FAM117B: variants seen among roughly 807,000 people sequenced by gnomAD.
FAM117B encodes protein FAM117B.
Under a neutral mutation model 52.8 loss-of-function variants are expected in FAM117B, and 22 were observed. The ratio of observed to expected loss-of-function variants is 0.42; its 90% CI spans 0.30 to 0.59. FAM117B has a LOEUF of 0.59. Among genes scored for constraint, FAM117B ranks in the 20% least tolerant of loss-of-function variants. The pLI, the probability that FAM117B is intolerant of heterozygous loss-of-function variation, is 0.22. For missense variants in FAM117B, 678 were observed against 802.6 expected (o/e 0.84, Z 1.88); for synonymous variants, 309 against 324.1 (o/e 0.95, Z 0.50).
chr2:202,641,201 G>A (rs1028719468), intron 1 of FAM117B, among the ~76,000 whole-genome samples: 1 of 152,184 alleles, frequency 6.6e-6, no homozygotes, highest in East Asian at 1.9e-4. Flanking sequence ...GGGTATAGAG[G>A]TTCCCTCAGA....
chr2:202,656,642 T>C (rs1218869414), intron 1 of FAM117B, among the ~76,000 whole-genome samples: 1 of 152,210 alleles, frequency 6.6e-6, no homozygotes, highest in African/African-American at 2.4e-5. Context: ...TGATAAATGT[T>C]TCACATGCCC....
intron 1 of FAM117B, among the ~76,000 whole-genome samples, chr2:202,673,146 A>G (rs942279688): frequency 5.3e-5 from 8 of 152,098 alleles, no homozygotes; most frequent in Non-Finnish European, 1.5e-5. Context: ...CTCTTTGAAA[A>G]CTGGTGTTAA....
intron 2 of FAM117B, among the ~76,000 whole-genome samples, chr2:202,710,127 C>T (rs777880813): frequency 3.9e-5 from 6 of 152,092 alleles, no homozygotes; most frequent in African/African-American, 1.2e-4. Context: ...TAGTTTCACA[C>T]GAGTTTTAGA....
At chr2:202,664,674 G>A (rs1276296787) in intron 1 of FAM117B, among the ~76,000 whole-genome samples, 10 of 152,140 alleles carry the variant, frequency 6.6e-5, no homozygotes, top group South Asian at 2.1e-4. Flanking sequence ...TTGATAGTTC[G>A]TTATCATGCA....
chr2:202,724,378 C>T (rs1220180195), intron 2 of FAM117B, among the ~76,000 whole-genome samples: 2 of 152,154 alleles, frequency 1.3e-5, no homozygotes, highest in African/African-American at 2.4e-5. Flanking sequence ...TCTGAAGATA[C>T]TTATGGCAAG....
chr2:202,756,369 G>GA lies in FAM117B; in HGVS notation c.1104+701dup, dbSNP rs756113152. ...GTGAAGGTTGCAGTGAGCTGAGATC[G>GA]AAAAAAAAAAAAATTCTGCCTATTC... On this transcript the variant is annotated intron_variant, in intron 5 of 7. Transcript: ENST00000392238. Among the ~76,000 whole-genome samples the GA allele has an allele frequency of 8.7e-3, 1,228 of 141,540 alleles. 12 individuals carry two copies. Among genetic ancestry groups the GA allele is most frequent in the Non-Finnish European group, 0.011 (722 of 64,556 alleles). 92.9% of individuals were successfully genotyped at this position (141,540 alleles called of 152,430 possible). A position where few individuals can be genotyped will look rare whatever the true frequency, so the allele number is the denominator to read the frequency against.
chr2:202,715,568 G>C (rs903531796), intron 2 of FAM117B, among the ~76,000 whole-genome samples: 49 of 151,532 alleles, frequency 3.2e-4, no homozygotes, highest in African/African-American at 1.1e-3. Context: ...TGTGATGGTG[G>C]CCGGGAAGAG....
Position 202,646,840 on chromosome 2 carries a change from CTTGT to C in FAM117B, c.601+11055_601+11058del, listed in dbSNP as rs199561701. On this transcript the variant is annotated intron_variant, in intron 1 of 7. Transcript: ENST00000392238. ...AAATTCCTGTATGATTTTTTTTTACCTTGTTTAAGTGATAACAATAGTTTTATCC... is the reference window on the plus strand; with the variant it reads ...AAATTCCTGTATGATTTTTTTTTACCTTAAGTGATAACAATAGTTTTATCC... 8.5e-3 allele frequency among the ~76,000 whole-genome samples: 1,289 copies of C among 151,526 alleles called. 23 individuals are homozygous for C. The highest frequency in any genetic ancestry group is 0.029 in the African/African-American group (1,218 of 41,346).
intron 7 of FAM117B, 40 bp downstream of exon 7, chr2:202,759,393 T>G (rs370708070): frequency 6.3e-7 from 1 of 1,594,344 alleles, no homozygotes; most frequent in African/African-American, 1.4e-5. Context: ...AAAACTATTA[T>G]GAGCTTTTTT....
At chr2:202,685,056 C>T (rs972993907) in intron 1 of FAM117B, among the ~76,000 whole-genome samples, 6 of 151,844 alleles carry the variant, frequency 4.0e-5, no homozygotes, top group Admixed American at 2.6e-4. Context: ...GATCTTGGCT[C>T]ACTGCAACCT....
Position 202,635,756 on chromosome 2 carries a change from AGAG to A in FAM117B, c.573_575del (p.Arg191del). On this transcript the variant is annotated inframe_deletion, in exon 1 of 8. Transcript: ENST00000392238. ...GAGCAGAGCCGAAGCTCGCCGGAGA[AGAG>A]GAGCCCCAGCGCCCCGGTTTGCAAA... is the stretch of plus-strand genomic sequence containing the variant. The A allele has an allele frequency of 1.4e-6, 2 of 1,456,210 alleles. No homozygotes were observed. Among genetic ancestry groups the A allele is most frequent in the Non-Finnish European group, 1.8e-6 (2 of 1,106,832 alleles). The allele number at this position is 1,456,210 out of a possible 1,614,324, so 90.2% of individuals were successfully genotyped here.
At chr2:202,646,290 C>T (rs1574539402) in intron 1 of FAM117B, among the ~76,000 whole-genome samples, 2 of 152,216 alleles carry the variant, frequency 1.3e-5, no homozygotes, top group African/African-American at 2.4e-5. Flanking sequence ...GGATTATAAG[C>T]GTGAGCCGCT....
chr2:202,745,701 A>C (rs1353188158), intron 4 of FAM117B, among the ~76,000 whole-genome samples: 2 of 152,236 alleles, frequency 1.3e-5, no homozygotes. Flanking sequence ...TGCCTGCAAG[A>C]AACTCACTTC....
intron 1 of FAM117B, among the ~76,000 whole-genome samples, chr2:202,644,901 G>A (rs1689837432): frequency 6.7e-6 from 1 of 149,692 alleles, no homozygotes; most frequent in Non-Finnish European, 1.5e-5. Flanking sequence ...GTGTTTCATT[G>A]TTTGTTTTCT....
chr2:202,754,728 A>G (rs1341095302), intron 4 of FAM117B, among the ~76,000 whole-genome samples: 1 of 151,564 alleles, frequency 6.6e-6, no homozygotes, highest in Non-Finnish European at 1.5e-5. Flanking sequence ...CTCTACTAAA[A>G]ATACCAAAAA....
rs1247449086 is a variant in FAM117B at position 202,676,537 on chromosome 2, A to T, written c.602-19344A>T. Among the ~76,000 whole-genome samples, 3 of 151,476 alleles carry T rather than the reference A, an allele frequency of 2.0e-5. No homozygotes were observed. The South Asian group carries it at 6.3e-4, about 32-fold the overall frequency. The stretch of plus-strand genomic sequence containing the variant: ...TGGGATTACAGGCATGCGCCACCAC[A>T]CCTGGCTAATTTTTGTGTTTTTAGT... On this transcript the variant is annotated intron_variant, in intron 1 of 7. Transcript: ENST00000392238.
intron 1 of FAM117B, among the ~76,000 whole-genome samples, chr2:202,660,485 A>T (rs1368701492): frequency 6.6e-6 from 1 of 152,042 alleles, no homozygotes; most frequent in Admixed American, 6.6e-5. Context: ...GGTGGTCGGT[A>T]TCTATATCTT....
At chr2:202,730,312 T>C (rs1293717140) in intron 4 of FAM117B, among the ~76,000 whole-genome samples, 1 of 152,096 alleles carries the variant, frequency 6.6e-6, no homozygotes, top group Non-Finnish European at 1.5e-5. Context: ...TGCTAGCTGA[T>C]GGTTGACAAT....
At chr2:202,761,739 C>G (rs1420478819) in intron 7 of FAM117B, among the ~76,000 whole-genome samples, 1 of 152,106 alleles carries the variant, frequency 6.6e-6, no homozygotes, top group East Asian at 1.9e-4. Flanking sequence ...ATTGGCCAGG[C>G]TAGTCTCGAA....
Sources: allele counts gnomAD v4.1 joint callset (sites outside exome capture counted in the v4.1 genomes callset), GRCh38; gene constraint gnomAD v4.1.1; transcripts MANE v1.5; gene names NCBI Gene and HGNC (gene_info 2026-07-23, HGNC 2026-07-21).